The following VTI1A variants were observed in gnomAD, a reference collection of about 807,000 sequenced individuals.
VTI1A encodes the protein vesicle transport through interaction with t-SNAREs 1A, also known as vesicle transport through interaction with t-SNAREs homolog 1A.
In VTI1A, 22 loss-of-function variants were observed where a neutral mutation model predicts 34.9. That is an observed-to-expected ratio of 0.63 (90% confidence interval 0.45 to 0.90). VTI1A has a LOEUF of 0.90. VTI1A is among the 40% of genes least tolerant of loss of function. The probability of loss-of-function intolerance (pLI) is 0.00; values close to 1 mark genes in which losing one functional copy is unlikely to be tolerated. For synonymous variants in VTI1A, 87 were observed against 97.3 expected (o/e 0.89, Z 0.62); for missense variants, 268 against 275.6 (o/e 0.97, Z 0.20).
chr10:112,743,383 A>C (rs1300005147), intron 7 of VTI1A, among the ~76,000 whole-genome samples: 1 of 152,158 alleles, frequency 6.6e-6, no homozygotes, highest in African/African-American at 2.4e-5. Context: ...ATTTCACTCC[A>C]TCATCTGGAG....
At chr10:112,725,658 C>G (rs1187861103) in intron 7 of VTI1A, among the ~76,000 whole-genome samples, 3 of 152,186 alleles carry the variant, frequency 2.0e-5, no homozygotes, top group African/African-American at 4.8e-5. Context: ...TATAGAAAAG[C>G]TTACTATCAT....
intron 5 of VTI1A, among the ~76,000 whole-genome samples, chr10:112,589,501 G>A (rs537157632): frequency 1.3e-5 from 2 of 152,124 alleles, no homozygotes; most frequent in African/African-American, 4.8e-5. Context: ...CCCAGTCTTG[G>A]GTATGTCTTT....
At chr10:112,514,143 A>G (rs1294144806) in intron 3 of VTI1A, among the ~76,000 whole-genome samples, 2 of 151,702 alleles carry the variant, frequency 1.3e-5, no homozygotes, top group Admixed American at 1.3e-4. Context: ...CGGTCCTGGA[A>G]TTTTCTTTGT....
intron 7 of VTI1A, among the ~76,000 whole-genome samples, chr10:112,794,744 A>G (rs1483736270): frequency 2.0e-5 from 3 of 152,118 alleles, no homozygotes; most frequent in Non-Finnish European, 2.9e-5. Context: ...ATAATATATT[A>G]TCAGCAAGAA....
At chr10:112,813,685 G>C (rs1853402133) in intron 7 of VTI1A, among the ~76,000 whole-genome samples, 1 of 152,134 alleles carries the variant, frequency 6.6e-6, no homozygotes, top group South Asian at 2.1e-4. Context: ...ATTTATTTGG[G>C]GGACAGAGAA....
At chr10:112,544,380 C>T (rs1850992672) in intron 5 of VTI1A, among the ~76,000 whole-genome samples, 1 of 152,130 alleles carries the variant, frequency 6.6e-6, no homozygotes, top group South Asian at 2.1e-4. Context: ...CAGGCATCCA[C>T]CACCATGCCC....
At chr10:112,504,875 G>A (rs1185763067) in intron 3 of VTI1A, among the ~76,000 whole-genome samples, 1 of 151,980 alleles carries the variant, frequency 6.6e-6, no homozygotes, top group Non-Finnish European at 1.5e-5. Context: ...TAGCTTTTAT[G>A]AGCAAGATGG....
chr10:112,732,392 A>G (rs548121439), intron 7 of VTI1A, among the ~76,000 whole-genome samples: 7 of 152,170 alleles, frequency 4.6e-5, no homozygotes, highest in Admixed American at 4.6e-4. Context: ...GCACTCCTGA[A>G]TAGTCCCAGA....
chr10:112,500,308 G>A (rs868629515), intron 3 of VTI1A, among the ~76,000 whole-genome samples: 11 of 152,076 alleles, frequency 7.2e-5, no homozygotes, highest in South Asian at 6.2e-4. Flanking sequence ...GGAGGCTCGC[G>A]CCTGAAGTCA....
intron 5 of VTI1A, among the ~76,000 whole-genome samples, chr10:112,599,463 C>G (rs989089175): frequency 2.6e-5 from 4 of 152,156 alleles, no homozygotes; most frequent in Non-Finnish European, 5.9e-5. Flanking sequence ...AATATTAGGA[C>G]AAAACAGTCC....
At position 112,767,545 on chromosome 10, in the gene VTI1A, A is replaced by G. The variant is rs1851683209; in HGVS notation, c.561-47745A>G. 6.6e-6 allele frequency among the ~76,000 whole-genome samples: 1 copy of G among 152,234 alleles called. No individual in the cohort carries two copies. The highest frequency in any genetic ancestry group is 2.1e-4 in the South Asian group (1 of 4,832). ...GTGTATTTGTGCTAGTTCTGAAAAC[A>G]GGAGGGCATAAACTAATAACAACAG... On this transcript the variant is annotated intron_variant, in intron 7 of 7. Coordinates refer to ENST00000393077, the MANE Select transcript of VTI1A (RefSeq NM_145206.4). The surrounding 1 kb of genome is among the most constrained non-coding windows in gnomAD (Gnocchi z 4.0).
chr10:112,755,519 C>A (rs1244910046), intron 7 of VTI1A, among the ~76,000 whole-genome samples: 1 of 152,120 alleles, frequency 6.6e-6, no homozygotes, highest in Non-Finnish European at 1.5e-5. Flanking sequence ...GCACGTGGAC[C>A]AAATGTCCCT....
chr10:112,483,017 G>A (rs1415023782), intron 3 of VTI1A, among the ~76,000 whole-genome samples: 1 of 152,088 alleles, frequency 6.6e-6, no homozygotes, highest in East Asian at 1.9e-4. Flanking sequence ...AAAGAAGTAG[G>A]CGTAGGAGAA....
At chr10:112,775,985 C>T (rs1280133843) in intron 7 of VTI1A, among the ~76,000 whole-genome samples, 1 of 152,170 alleles carries the variant, frequency 6.6e-6, no homozygotes, top group Non-Finnish European at 1.5e-5. Context: ...TCTTCGCACT[C>T]TAAGTGTTTC....
At chr10:112,716,010 G>A (rs536364073) in intron 7 of VTI1A, among the ~76,000 whole-genome samples, 11 of 152,240 alleles carry the variant, frequency 7.2e-5, no homozygotes, top group Admixed American at 1.3e-4. Flanking sequence ...CTCGGGATGC[G>A]CATCAGCCCA....
intron 3 of VTI1A, among the ~76,000 whole-genome samples, chr10:112,467,594 A>G (rs1847940420): frequency 6.6e-6 from 1 of 152,268 alleles, no homozygotes; most frequent in Admixed American, 6.5e-5. Flanking sequence ...GATATAGGCT[A>G]TCATTAACAA....
At chr10:112,479,056 A>G (rs1589812662) in intron 3 of VTI1A, among the ~76,000 whole-genome samples, 1 of 152,178 alleles carries the variant, frequency 6.6e-6, no homozygotes, top group South Asian at 2.1e-4. Flanking sequence ...AATCCCAGCT[A>G]CTAGGGAGGC....
intron 3 of VTI1A, among the ~76,000 whole-genome samples, chr10:112,469,761 G>T (rs1374748656): frequency 6.6e-6 from 1 of 152,146 alleles, no homozygotes; most frequent in African/African-American, 2.4e-5. Flanking sequence ...GTGAGACCTC[G>T]TGGGGTCCCA....
At chr10:112,723,741 G>T (rs1179372861) in intron 7 of VTI1A, among the ~76,000 whole-genome samples, 1 of 152,198 alleles carries the variant, frequency 6.6e-6, no homozygotes, top group African/African-American at 2.4e-5. Flanking sequence ...AAAAATCAAA[G>T]AACACAATTA....
Sources: gnomAD v4.1 joint callset for allele counts (sites outside exome capture counted in the v4.1 genomes callset) on GRCh38, gnomAD v4.1.1 for gene constraint, Gnocchi (gnomAD v3.1) non-coding constraint, MANE v1.5 for transcripts, NCBI Gene and HGNC (gene_info 2026-07-23, HGNC 2026-07-21) for gene names.